INSL6: variants seen among roughly 807,000 people sequenced by gnomAD.
INSL6 encodes the protein insulin like 6.
A neutral mutation model predicts 9.4 loss-of-function variants in INSL6; 16 were observed. The ratio of observed to expected loss-of-function variants is 1.70; its 90% CI spans 1.15 to 2.59. The LOEUF is 2.59. Among genes scored for constraint, INSL6 ranks in the 30% most tolerant of loss-of-function variants. INSL6 has a pLI of 0.00. For synonymous variants in INSL6, 154 were observed against 96.9 expected (o/e 1.59, Z -3.46); for missense variants, 391 against 257.3 (o/e 1.52, Z -3.56).
the INSL6 span, chr9:5,111,793 G>C: frequency 9.5e-6 from 4 of 423,276 alleles, no homozygotes; most frequent in Non-Finnish European, 1.9e-5. Flanking sequence ...CCTTCTCCTT[G>C]GCCCCCGGAG....
the INSL6 span, chr9:5,099,154 G>A: frequency 6.6e-6 from 1 of 151,974 alleles, no homozygotes; most frequent in Non-Finnish European, 1.5e-5. Context: ...CCCCTTATTA[G>A]GCCTCAAAAC....
Position 5,163,910 on chromosome 9 carries a change from T to C in INSL6, c.*3A>G, listed in dbSNP as rs780981763. On this transcript the variant is annotated 3_prime_UTR_variant, in exon 2 of 2. Coordinates refer to ENST00000381641, the MANE Select transcript of INSL6 (RefSeq NM_007179.3). ...TATTAGGTTAGAAAAAATTCTAAGA[T>C]GGTTAGTATATCTTAGTTACAAGTG... The C allele has an allele frequency of 6.4e-7, 1 of 1,558,314 alleles. No individual in the cohort carries two copies. Among genetic ancestry groups the C allele is most frequent in the South Asian group, 1.1e-5 (1 of 88,394 alleles).
the INSL6 span, chr9:5,099,775 T>C: frequency 6.6e-6 from 1 of 152,162 alleles, no homozygotes; most frequent in African/African-American, 2.4e-5. Context: ...TATAATAATA[T>C]CCCTAATTAT....
chr9:5,086,559 C>G, the INSL6 span, among the ~76,000 whole-genome samples: 4 of 152,056 alleles, frequency 2.6e-5, no homozygotes, highest in African/African-American at 9.7e-5. Flanking sequence ...ATCACCTTAC[C>G]TCCTGCCATT....
At chr9:5,028,722 G>A in the INSL6 span, among the ~76,000 whole-genome samples, 1 of 152,162 alleles carries the variant, frequency 6.6e-6, no homozygotes, top group Non-Finnish European at 1.5e-5. Context: ...TTTTATGTTA[G>A]GGACATGGTT....
chr9:5,085,627 G>C, the INSL6 span: 1 of 710,626 alleles, frequency 1.4e-6, no homozygotes, highest in Non-Finnish European at 2.6e-6. Context: ...AGCAAGGACA[G>C]CCTTCTTTTC....
intron 1 of INSL6, among the ~76,000 whole-genome samples, chr9:5,165,706 G>C (rs1035234334): frequency 3.9e-5 from 6 of 152,054 alleles, no homozygotes; most frequent in African/African-American, 7.2e-5. Flanking sequence ...ATATGCTCTA[G>C]GTACAATGAA....
the INSL6 span, chr9:5,090,583 C>A: frequency 1.3e-6 from 2 of 1,556,338 alleles, no homozygotes; most frequent in Non-Finnish European, 1.7e-6. Context: ...AACTAATATC[C>A]TGATTATTTG....
At chr9:5,039,655 T>C in the INSL6 span, among the ~76,000 whole-genome samples, 1 of 151,888 alleles carries the variant, frequency 6.6e-6, no homozygotes, top group Non-Finnish European at 1.5e-5. Flanking sequence ...GAATAGAAGA[T>C]CAATATATAA....
the INSL6 span, among the ~76,000 whole-genome samples, chr9:5,054,041 TG>T: frequency 6.6e-6 from 1 of 152,028 alleles, no homozygotes; most frequent in African/African-American, 2.4e-5. This position sits in a 1 kb window ranked among gnomAD's most constrained non-coding sequence, Gnocchi z 4.9. Context: ...GGAATTGTTT[TG>T]ATCACAAAGG....
chr9:5,152,364 G>C (rs2130895950), intron 2 of INSL6, among the ~76,000 whole-genome samples: 1 of 151,974 alleles, frequency 6.6e-6, no homozygotes, highest in African/African-American at 2.4e-5. Flanking sequence ...TTAAAATATT[G>C]TCAACAACAT....
intron 1 of INSL6, among the ~76,000 whole-genome samples, chr9:5,180,877 T>A (rs1240255190): frequency 6.6e-6 from 1 of 152,180 alleles, no homozygotes; most frequent in East Asian, 1.9e-4. Flanking sequence ...TTATTAGTAG[T>A]TCTGCTCTTT....
chr9:5,100,602 T>C, the INSL6 span: 2 of 152,266 alleles, frequency 1.3e-5, no homozygotes, highest in African/African-American at 2.4e-5. Context: ...CAGGCATTTT[T>C]CCCCTCAAAC....
the INSL6 span, among the ~76,000 whole-genome samples, chr9:5,035,908 G>A: frequency 1.7e-4 from 26 of 152,288 alleles, no homozygotes; most frequent in South Asian, 5.2e-3. Context: ...AGGAAATAAA[G>A]GTTATTTGAT....
chr9:5,009,447 T>A, the INSL6 span, among the ~76,000 whole-genome samples: 4 of 152,202 alleles, frequency 2.6e-5, no homozygotes, highest in Middle Eastern at 3.4e-3. Context: ...TTTTTTTTTT[T>A]AATTTTGTAA....
chr9:5,136,969 C>A (rs62541871), intron 2 of INSL6, among the ~76,000 whole-genome samples: 3 of 151,994 alleles, frequency 2.0e-5, no homozygotes, highest in African/African-American at 4.8e-5. Context: ...CATTCTTATA[C>A]ACCAATAACA....
chr9:5,138,128 TTGG>T (rs1824422190), intron 2 of INSL6, among the ~76,000 whole-genome samples: 1 of 152,184 alleles, frequency 6.6e-6, no homozygotes, highest in Non-Finnish European at 1.5e-5. Context: ...TTTTACACTG[TTGG>T]TGGGAGTGTA....
the INSL6 span, among the ~76,000 whole-genome samples, chr9:5,048,269 G>GT: frequency 6.6e-6 from 1 of 151,938 alleles, no homozygotes; most frequent in African/African-American, 2.4e-5. Context: ...AGCCTCCCTA[G>GT]TAGCTGGGAT....
chr9:5,072,407 A>G, the INSL6 span: 2 of 978,514 alleles, frequency 2.0e-6, no homozygotes, highest in Admixed American at 3.1e-5. Flanking sequence ...ATTTAAAAAA[A>G]TTCTTCCTCA....
Sources: allele counts gnomAD v4.1 joint callset (sites outside exome capture counted in the v4.1 genomes callset), GRCh38; gene constraint gnomAD v4.1.1; non-coding constraint Gnocchi (gnomAD v3.1); transcripts MANE v1.5; gene names NCBI Gene and HGNC (gene_info 2026-07-23, HGNC 2026-07-21).